The following PHC2 variants were observed in gnomAD, a reference collection of about 807,000 sequenced individuals.
PHC2 encodes the protein polyhomeotic-like protein 2.
Under a neutral mutation model 87.4 loss-of-function variants are expected in PHC2, and 29 were observed. That is an observed-to-expected ratio of 0.33 (90% CI 0.25 to 0.45). The LOEUF (loss-of-function observed/expected upper bound fraction) is 0.45, where lower values mean the gene tolerates loss of function less well. Among genes scored for constraint, PHC2 ranks in the 20% least tolerant of loss-of-function variants. The probability of loss-of-function intolerance (pLI) is 1.00; values close to 1 mark genes in which losing one functional copy is unlikely to be tolerated. For synonymous variants in PHC2, 438 were observed against 461.7 expected (o/e 0.95, Z 0.66); for missense variants, 857 against 1,136.7 (o/e 0.75, Z 3.54).
At chr1:33,375,784 C>G (rs1344819993) in intron 1 of PHC2, among the ~76,000 whole-genome samples, 191 bp from the exon 2 acceptor site, 1 of 152,192 alleles carries the variant, frequency 6.6e-6, no homozygotes, top group Non-Finnish European at 1.5e-5. Context: ...CTAACCAATA[C>G]AGTGTAACAA....
At chr1:33,411,239 A>G (rs779670260) in intron 1 of PHC2, among the ~76,000 whole-genome samples, 3 of 152,218 alleles carry the variant, frequency 2.0e-5, no homozygotes, top group Non-Finnish European at 2.9e-5. Flanking sequence ...TTTATATTTC[A>G]CTAAAATATA....
At chr1:33,330,012 A>C in intron 13 of PHC2, 59 bp downstream of exon 13, 2 of 1,590,362 alleles carry the variant, frequency 1.3e-6, no homozygotes, top group Non-Finnish European at 1.7e-6. Flanking sequence ...GTCGAGGGCC[A>C]TGGAAGGGAA....
At chr1:33,330,015 GA>G in intron 13 of PHC2, 55 bp downstream of exon 13, 1 of 1,594,102 alleles carries the variant, frequency 6.3e-7, no homozygotes, top group Non-Finnish European at 8.6e-7. Context: ...GAGGGCCATG[GA>G]AGGGAAGCTG....
In PHC2 at chr1:33,330,185, C is replaced by T; in HGVS notation, c.2034G>A (p.Val678=). ...TGCTCCGGTCTGAGTGGAAAAGTCC[C>T]ACCCGTTTGGTGCATCCCACGTTGT... is the stretch of plus-strand genomic sequence containing the variant. ...KRYNVGCTKR[V]GLFHSDRSKL... is the part of the protein sequence containing the mutation. The change falls in exon 13 of 15, where the codon GTG becomes GTA. Residue 678 remains valine (V), a synonymous_variant. Transcript: ENST00000683057. The T allele has an allele frequency of 6.2e-7, 1 of 1,614,208 alleles. No homozygotes were observed. Among genetic ancestry groups the T allele is most frequent in the South Asian group, 1.1e-5 (1 of 91,084 alleles).
chr1:33,343,996 G>A (rs1389649030), intron 9 of PHC2, among the ~76,000 whole-genome samples: 1 of 152,202 alleles, frequency 6.6e-6, no homozygotes, highest in African/African-American at 2.4e-5. Flanking sequence ...TTTCTATGCA[G>A]TTTTTTCATA....
intron 12 of PHC2, among the ~76,000 whole-genome samples, chr1:33,330,980 G>C (rs1646481882): frequency 6.6e-6 from 1 of 152,202 alleles, no homozygotes; most frequent in African/African-American, 2.4e-5. Flanking sequence ...GACCATTAGT[G>C]ATCTATGCTG....
At chr1:33,393,148 C>T (rs1398839018) in intron 1 of PHC2, among the ~76,000 whole-genome samples, 1 of 152,154 alleles carries the variant, frequency 6.6e-6, no homozygotes, top group African/African-American at 2.4e-5. Flanking sequence ...ATCATTTTCC[C>T]TGGATCTTTG....
chr1:33,386,803 C>T lies in PHC2; in HGVS notation c.-54-11210G>A, dbSNP rs192915592. On this transcript the variant is annotated intron_variant, in intron 1 of 14. Coordinates refer to ENST00000683057, the MANE Select transcript of PHC2 (RefSeq NM_001385109.1). The stretch of plus-strand genomic sequence containing the variant: ...CAGTGCGCACACACATCACAGTGTG[C>T]GCACACACACCCTGCACACATACAA... Among the ~76,000 whole-genome samples the T allele has an allele frequency of 4.1e-3, 622 of 152,188 alleles. 2 individuals carry two copies. Among genetic ancestry groups the T allele is most frequent in the Middle Eastern group, 0.01 (3 of 294 alleles).
chr1:33,346,326 G>A (rs1274994451), intron 9 of PHC2: 2 of 985,304 alleles, frequency 2.0e-6, no homozygotes, highest in African/African-American at 3.5e-5. Context: ...CCACTTTTGT[G>A]AGATTCCTCC....
rs1648547610 is a variant in PHC2 at position 33,382,663 on chromosome 1, T to G, written c.-54-7070A>C. Among the ~76,000 whole-genome samples the G allele has an allele frequency of 6.6e-6, 1 of 152,206 alleles. No individual in the cohort carries two copies. Among genetic ancestry groups the G allele is most frequent in the South Asian group, 2.1e-4 (1 of 4,832 alleles). Reference sequence around the variant, plus strand: ...TCCCCTCCTAACTGCAATGGGCCACTTTGAATGATGTGCTGAATATAACTG... The same window carrying G: ...TCCCCTCCTAACTGCAATGGGCCACGTTGAATGATGTGCTGAATATAACTG... On this transcript the variant is annotated intron_variant, in intron 1 of 14. Coordinates refer to ENST00000683057, the MANE Select transcript of PHC2 (RefSeq NM_001385109.1). This position sits in a 1 kb window ranked among gnomAD's most constrained non-coding sequence, Gnocchi z 4.3.
intron 7 of PHC2, among the ~76,000 whole-genome samples, chr1:33,362,679 A>T (rs1296577381): frequency 6.6e-6 from 1 of 152,240 alleles, no homozygotes; most frequent in Non-Finnish European, 1.5e-5. Context: ...ACAGATGGTC[A>T]CACGCGCACA....
At chr1:33,375,097 C>T (rs756691323) in intron 2 of PHC2, among the ~76,000 whole-genome samples, 3 of 152,186 alleles carry the variant, frequency 2.0e-5, no homozygotes, top group Non-Finnish European at 4.4e-5. Flanking sequence ...TGGGTTGTGG[C>T]TGAGCAGCTC....
At chr1:33,401,520 T>C (rs1271537205) in intron 1 of PHC2, among the ~76,000 whole-genome samples, 1 of 152,184 alleles carries the variant, frequency 6.6e-6, no homozygotes, top group East Asian at 1.9e-4. Flanking sequence ...TAGCACCTCT[T>C]ACCAACTCCG....
intron 7 of PHC2, chr1:33,363,879 T>G (rs976340285): frequency 3.0e-6 from 3 of 985,140 alleles, no homozygotes; most frequent in Non-Finnish European, 3.6e-6. Context: ...CCCTGCTGCC[T>G]GCCTCTCTTC....
At chr1:33,361,540 C>T (rs566289993) in intron 7 of PHC2, among the ~76,000 whole-genome samples, 41 of 152,268 alleles carry the variant, frequency 2.7e-4, no homozygotes, top group African/African-American at 9.6e-4. Flanking sequence ...GGGGTTTCAC[C>T]ATGTTGGCCA....
In PHC2 at chr1:33,345,579, G is replaced by T. The variant is rs570855168; in HGVS notation, c.1558+8822C>A. ...AATGAATCTCAGAGCAACGGTTTAT[G>T]ACTTAAATTATATGCTGTGTTCCTT... is the stretch of plus-strand genomic sequence containing the variant. On this transcript the variant is annotated intron_variant, in intron 9 of 14. Coordinates refer to ENST00000683057, the MANE Select transcript of PHC2 (RefSeq NM_001385109.1). The T allele has an allele frequency of 2.5e-4, 244 of 984,620 alleles. 2 individuals are homozygous for T. In the South Asian group the frequency reaches 0.01, roughly 42 times the overall value. The allele number at this position is 984,620 out of a possible 1,614,324, so 61.0% of individuals were successfully genotyped here.
intron 14 of PHC2, chr1:33,325,309 G>A (rs1646345988): frequency 9.2e-6 from 3 of 326,740 alleles, no homozygotes; most frequent in East Asian, 5.8e-5. Context: ...AAGTGACAGC[G>A]TGTGATTTCT....
intron 9 of PHC2, among the ~76,000 whole-genome samples, chr1:33,335,766 G>A (rs1362856981): frequency 1.3e-5 from 2 of 151,974 alleles, no homozygotes; most frequent in African/African-American, 4.8e-5. Context: ...CAGGCATGGT[G>A]GTGCGTGCCT....
At chr1:33,325,194 T>C (rs1442108614) in intron 14 of PHC2, 175 bp from the exon 15 acceptor site, 5 of 635,926 alleles carry the variant, frequency 7.9e-6, no homozygotes, top group African/African-American at 1.8e-5. Context: ...AGAGAGGCTG[T>C]GCAACTCACC....
Sources: gnomAD v4.1 joint callset for allele counts (sites outside exome capture counted in the v4.1 genomes callset) on GRCh38, gnomAD v4.1.1 for gene constraint, Gnocchi (gnomAD v3.1) non-coding constraint, MANE v1.5 for transcripts, NCBI Gene and HGNC (gene_info 2026-07-23, HGNC 2026-07-21) for gene names.